TACR3: variants seen among roughly 807,000 people sequenced by gnomAD.
The protein encoded by TACR3 is tachykinin receptor 3.
In TACR3, 34 loss-of-function variants were observed where a neutral mutation model predicts 35.0. That is an observed-to-expected ratio of 0.97 (90% CI 0.74 to 1.30). TACR3 has a LOEUF of 1.30. Among genes scored for constraint, TACR3 ranks in the 50% most tolerant of loss-of-function variants. The pLI, the probability that TACR3 is intolerant of heterozygous loss-of-function variation, is 0.00. For missense variants in TACR3, 558 were observed against 591.7 expected, an observed-to-expected ratio of 0.94 and a Z score of 0.59; for synonymous variants, 233 against 221.1, an observed-to-expected ratio of 1.05 and a Z score of -0.48.
chr4:103,698,111 T>A (rs933018466), intron 1 of TACR3, among the ~76,000 whole-genome samples: 10 of 152,216 alleles, frequency 6.6e-5, no homozygotes, highest in African/African-American at 1.7e-4. Flanking sequence ...ATTTAACTTA[T>A]AATTTTAACA....
At chr4:103,630,438 A>G (rs1725032119) in intron 3 of TACR3, among the ~76,000 whole-genome samples, 1 of 152,174 alleles carries the variant, frequency 6.6e-6, no homozygotes, top group Non-Finnish European at 1.5e-5. Flanking sequence ...CAATCTACCT[A>G]TCTAACAAAC....
intron 3 of TACR3, among the ~76,000 whole-genome samples, chr4:103,642,219 T>C (rs898037365): frequency 3.3e-5 from 5 of 150,810 alleles, no homozygotes; most frequent in Non-Finnish European, 7.4e-5. Context: ...TATTTATATA[T>C]ATATATAATC....
chr4:103,648,044 G>A (rs1725498398), intron 3 of TACR3, among the ~76,000 whole-genome samples: 1 of 151,952 alleles, frequency 6.6e-6, no homozygotes, highest in African/African-American at 2.4e-5. Context: ...AGAAATGGAA[G>A]CAATGCTCTT....
chr4:103,696,020 C>A (rs1722513711), intron 1 of TACR3, among the ~76,000 whole-genome samples: 1 of 151,902 alleles, frequency 6.6e-6, no homozygotes, highest in Admixed American at 6.6e-5. Context: ...TATTTAGAAA[C>A]CTATATAATT....
intron 3 of TACR3, among the ~76,000 whole-genome samples, chr4:103,630,542 AAAG>A (rs1397759632): frequency 1.3e-5 from 2 of 152,234 alleles, no homozygotes; most frequent in African/African-American, 2.4e-5. Context: ...ACACTTCTCA[AAAG>A]AAGACATTTA....
At chr4:103,689,907 G>T (rs1335062770) in intron 1 of TACR3, among the ~76,000 whole-genome samples, 1 of 152,056 alleles carries the variant, frequency 6.6e-6, no homozygotes, top group Non-Finnish European at 1.5e-5. Context: ...GTGCAGTGGT[G>T]AAAGTGAAAG....
intron 3 of TACR3, among the ~76,000 whole-genome samples, chr4:103,638,249 C>T (rs534145929): frequency 2.6e-5 from 4 of 151,048 alleles, no homozygotes; most frequent in South Asian, 2.1e-4. Flanking sequence ...GAGATATAGA[C>T]CAATGGAACA....
At chr4:103,717,625 A>C (rs553029620) in intron 1 of TACR3, among the ~76,000 whole-genome samples, 8 of 152,280 alleles carry the variant, frequency 5.3e-5, no homozygotes, top group South Asian at 2.1e-4. Context: ...GACTGTAAGA[A>C]TTTTATAACA....
chr4:103,678,354 C>G (rs957313902), intron 1 of TACR3, among the ~76,000 whole-genome samples: 1 of 151,994 alleles, frequency 6.6e-6, no homozygotes, highest in Admixed American at 6.6e-5. Context: ...ATTTCCAAAT[C>G]TTAAGGGTAT....
At chr4:103,677,832 C>T (rs1279309442) in intron 1 of TACR3, among the ~76,000 whole-genome samples, 1 of 151,814 alleles carries the variant, frequency 6.6e-6, no homozygotes, top group Non-Finnish European at 1.5e-5. Flanking sequence ...TGTAACAAAC[C>T]TGTACATCCT....
Position 103,641,676 on chromosome 4 carries a change from C to T in TACR3, c.888+14518G>A, listed in dbSNP as rs148571759. Among the ~76,000 whole-genome samples, 960 of 152,036 alleles carry T rather than the reference C, an allele frequency of 6.3e-3. 8 individuals carry two copies. The highest frequency in any genetic ancestry group is 0.017 in the African/African-American group (692 of 41,496). On this transcript the variant is annotated intron_variant, in intron 3 of 4. Transcript: ENST00000304883. Reference sequence around the variant, plus strand: ...AGTATATCAAAAGATATCTGCAATTCCCAGTTTATTGCAACATTATTCACA... The same window carrying T: ...AGTATATCAAAAGATATCTGCAATTTCCAGTTTATTGCAACATTATTCACA...
intron 1 of TACR3, among the ~76,000 whole-genome samples, chr4:103,691,996 C>T (rs1277006605): frequency 6.6e-6 from 1 of 152,146 alleles, no homozygotes; most frequent in East Asian, 1.9e-4. Flanking sequence ...CCTGATTTCC[C>T]ACTTCACACC....
At chr4:103,606,026 T>G (rs1353238322) in intron 3 of TACR3, among the ~76,000 whole-genome samples, 7 of 151,896 alleles carry the variant, frequency 4.6e-5, no homozygotes, top group Non-Finnish European at 1.5e-5. Context: ...GGGATCCAGT[T>G]TCAGCTTTCT....
At chr4:103,631,927 TTTTGA>T (rs1023519602) in intron 3 of TACR3, among the ~76,000 whole-genome samples, 15 of 152,198 alleles carry the variant, frequency 9.9e-5, no homozygotes, top group Middle Eastern at 3.2e-3. Flanking sequence ...TTCAACCTAT[TTTTGA>T]TTTATCTTGT....
In TACR3 at chr4:103,589,552, G is replaced by C. The variant is rs1214297690; in HGVS notation, c.*130C>G. 2 of 969,698 alleles carry C rather than the reference G, an allele frequency of 2.1e-6. No individual in the cohort carries two copies. The highest frequency in any genetic ancestry group is 2.6e-5 in the East Asian group (1 of 38,820). 60.1% of individuals were successfully genotyped at this position (969,698 alleles called of 1,614,324 possible). On this transcript the variant is annotated 3_prime_UTR_variant, in exon 5 of 5. Coordinates refer to ENST00000304883, the MANE Select transcript of TACR3 (RefSeq NM_001059.3). ...ATTTATACACTACCTTTCTCAATTT[G>C]ACCATAGCTGCCTAAAAATTGCTTT...
intron 3 of TACR3, among the ~76,000 whole-genome samples, chr4:103,630,012 A>G (rs1026875010): frequency 1.3e-5 from 2 of 152,194 alleles, no homozygotes; most frequent in African/African-American, 4.8e-5. Context: ...ATGGTACAGA[A>G]TAGAGCCCTC....
chr4:103,713,719 T>G (rs1723024231), intron 1 of TACR3, among the ~76,000 whole-genome samples: 1 of 151,916 alleles, frequency 6.6e-6, no homozygotes, highest in Non-Finnish European at 1.5e-5. Flanking sequence ...TGGTTCTGGA[T>G]GAGATTGGTT....
At chr4:103,621,154 A>C (rs1414850192) in intron 3 of TACR3, among the ~76,000 whole-genome samples, 2 of 152,238 alleles carry the variant, frequency 1.3e-5, no homozygotes, top group African/African-American at 4.8e-5. Flanking sequence ...GAGATATTGA[A>C]GAGTCCTTCT....
At chr4:103,690,802 G>A (rs1722386420) in intron 1 of TACR3, among the ~76,000 whole-genome samples, 1 of 151,956 alleles carries the variant, frequency 6.6e-6, no homozygotes, top group African/African-American at 2.4e-5. Flanking sequence ...TAACAACTGT[G>A]TGAGGTAATG....
Sources: gnomAD v4.1 joint callset for allele counts (sites outside exome capture counted in the v4.1 genomes callset) on GRCh38, gnomAD v4.1.1 for gene constraint, MANE v1.5 for transcripts, NCBI Gene and HGNC (gene_info 2026-07-23, HGNC 2026-07-21) for gene names.